Variants in SLC35F1 observed in about 807,000 individuals in gnomAD.
SLC35F1 encodes chromosome 6 open reading frame 169.
In SLC35F1, 14 loss-of-function variants were observed where a neutral mutation model predicts 48.7. The ratio of observed to expected loss-of-function variants is 0.29; its 90% confidence interval spans 0.19 to 0.45. SLC35F1 has a LOEUF of 0.45. Among genes scored for constraint, SLC35F1 ranks in the 20% least tolerant of loss-of-function variants. The pLI is 1.00. For missense variants in SLC35F1, 404 were observed against 500.0 expected, an observed-to-expected ratio of 0.81 and a Z score of 1.83; for synonymous variants, 190 against 202.2, an observed-to-expected ratio of 0.94 and a Z score of 0.51.
intron 2 of SLC35F1, among the ~76,000 whole-genome samples, chr6:118,204,199 T>C (rs1385342652): frequency 6.6e-6 from 1 of 151,416 alleles, no homozygotes; most frequent in East Asian, 1.9e-4. Context: ...AAGGGAATAG[T>C]GGACACAAAG....
chr6:118,045,953 G>GA (rs5879446), intron 1 of SLC35F1, among the ~76,000 whole-genome samples: 44,815 of 152,078 alleles, frequency 0.29, 7,318 homozygotes, highest in East Asian at 0.48. Flanking sequence ...GAAAGTAGGT[G>GA]AACAGGCAGA....
chr6:118,079,664 C>T (rs531089687), intron 1 of SLC35F1, among the ~76,000 whole-genome samples: 8 of 152,248 alleles, frequency 5.3e-5, no homozygotes, highest in Admixed American at 2.0e-4. Context: ...TATGCTGGTA[C>T]GGACATTTTC....
At chr6:118,214,311 T>C (rs1775044473) in intron 2 of SLC35F1, among the ~76,000 whole-genome samples, 3 of 152,188 alleles carry the variant, frequency 2.0e-5, no homozygotes, top group South Asian at 2.1e-4. Flanking sequence ...TCTTATGATA[T>C]GAAATTGTTA....
intron 2 of SLC35F1, among the ~76,000 whole-genome samples, chr6:118,175,472 G>C (rs1774474493): frequency 6.6e-6 from 1 of 152,070 alleles, no homozygotes; most frequent in Non-Finnish European, 1.5e-5. Flanking sequence ...CAAAACTTTT[G>C]AAATGAAACT....
intron 3 of SLC35F1, among the ~76,000 whole-genome samples, chr6:118,238,025 C>A (rs1170838562): frequency 2.6e-5 from 4 of 152,084 alleles, no homozygotes; most frequent in Non-Finnish European, 5.9e-5. Flanking sequence ...TTCCTTCCAC[C>A]TCCCCTCTTC....
chr6:118,201,318 T>G (rs1774871236), intron 2 of SLC35F1, among the ~76,000 whole-genome samples: 1 of 152,190 alleles, frequency 6.6e-6, no homozygotes, highest in East Asian at 1.9e-4. Flanking sequence ...TAGTTGTGTG[T>G]CCAAGAAGAA....
At position 118,090,354 on chromosome 6, in the gene SLC35F1, TATG is replaced by T. The variant is rs1418861750; in HGVS notation, c.174-64090_174-64088del. On this transcript the variant is annotated intron_variant, in intron 1 of 7. Transcript: ENST00000360388. ...ACAGAGTTCCCACCCTCACTGAGCA[TATG>T]TCGTGGTGGGAGGAAACAGACAATA... Among the ~76,000 whole-genome samples the T allele has an allele frequency of 1.4e-4, 21 of 152,288 alleles. No individual in the cohort carries two copies. In the Middle Eastern group the frequency reaches 0.01, roughly 74 times the overall value.
chr6:117,931,469 TTC>T (rs1776101258), intron 1 of SLC35F1, among the ~76,000 whole-genome samples: 1 of 152,220 alleles, frequency 6.6e-6, no homozygotes, highest in Non-Finnish European at 1.5e-5. Flanking sequence ...TGTGGCCCAT[TTC>T]TCTCTAAGCT....
chr6:118,244,167 T>C (rs1197602767), intron 3 of SLC35F1, among the ~76,000 whole-genome samples: 1 of 152,236 alleles, frequency 6.6e-6, no homozygotes, highest in Admixed American at 6.5e-5. Context: ...TTAGTTCCAT[T>C]ACCATACCCA....
At chr6:118,163,363 A>T (rs976848911) in intron 2 of SLC35F1, among the ~76,000 whole-genome samples, 1 of 152,094 alleles carries the variant, frequency 6.6e-6, no homozygotes, top group African/African-American at 2.4e-5. Flanking sequence ...TGACATGAAT[A>T]TGTAACACCA....
chr6:118,159,858 A>G (rs1774203458), intron 2 of SLC35F1, among the ~76,000 whole-genome samples: 1 of 152,242 alleles, frequency 6.6e-6, no homozygotes, highest in Non-Finnish European at 1.5e-5. Flanking sequence ...ATTTTTAAAT[A>G]ATAGATACCC....
chr6:118,118,524 T>G (rs1773503942), intron 1 of SLC35F1, among the ~76,000 whole-genome samples: 1 of 152,224 alleles, frequency 6.6e-6, no homozygotes, highest in Non-Finnish European at 1.5e-5. Flanking sequence ...CTGTTCTCAT[T>G]GTAGTTTTAA....
At chr6:117,997,299 T>G (rs1027296495) in intron 1 of SLC35F1, among the ~76,000 whole-genome samples, 5 of 152,210 alleles carry the variant, frequency 3.3e-5, no homozygotes, top group African/African-American at 1.2e-4. Context: ...TACGTCTGAT[T>G]GGTGTACCTG....
rs147802988 is a variant in SLC35F1 at position 117,987,177 on chromosome 6, G to T, written c.173+79278G>T. On this transcript the variant is annotated intron_variant, in intron 1 of 7. Coordinates refer to ENST00000360388, the MANE Select transcript of SLC35F1 (RefSeq NM_001029858.4). The stretch of plus-strand genomic sequence containing the variant: ...GCTATATATGTGCACATCTGCTTCG[G>T]CCCTATCCACTCATCTCTTTGTGCA... Among the ~76,000 whole-genome samples the T allele has an allele frequency of 2.0e-5, 3 of 152,134 alleles. No individual in the cohort carries two copies. The East Asian group carries it at 5.8e-4, about 29-fold the overall frequency.
intron 1 of SLC35F1, among the ~76,000 whole-genome samples, chr6:118,001,520 C>A (rs1448482036): frequency 6.6e-6 from 1 of 152,116 alleles, no homozygotes; most frequent in Non-Finnish European, 1.5e-5. Context: ...CAGGCATTAC[C>A]ATTCAGGACA....
At chr6:118,242,978 T>C (rs1391982476) in intron 3 of SLC35F1, among the ~76,000 whole-genome samples, 3 of 152,152 alleles carry the variant, frequency 2.0e-5, no homozygotes, top group African/African-American at 7.2e-5. Context: ...GACAAGGAGG[T>C]AATCCTTCCA....
At chr6:118,226,869 AAAAAT>A (rs1284530665) in intron 2 of SLC35F1, among the ~76,000 whole-genome samples, 2 of 152,258 alleles carry the variant, frequency 1.3e-5, no homozygotes, top group Non-Finnish European at 2.9e-5. Context: ...AGCATAAAGA[AAAAAT>A]AAATATTTAA....
At chr6:118,121,709 C>G (rs1236879847) in intron 1 of SLC35F1, among the ~76,000 whole-genome samples, 4 of 152,298 alleles carry the variant, frequency 2.6e-5, no homozygotes, top group Non-Finnish European at 4.4e-5. Context: ...CTCTTTCCAA[C>G]TAAGTTTATC....
intron 2 of SLC35F1, among the ~76,000 whole-genome samples, chr6:118,231,473 G>T (rs1053309813): frequency 6.6e-6 from 1 of 152,176 alleles, no homozygotes; most frequent in African/African-American, 2.4e-5. Flanking sequence ...TTGCAGATCA[G>T]CATTAATGGG....
Sources: allele counts gnomAD v4.1 joint callset (sites outside exome capture counted in the v4.1 genomes callset), GRCh38; gene constraint gnomAD v4.1.1; transcripts MANE v1.5; gene names NCBI Gene and HGNC (gene_info 2026-07-23, HGNC 2026-07-21).